The following GALNT13 variants were observed in gnomAD, a reference collection of about 807,000 sequenced individuals.
The protein encoded by GALNT13 is polypeptide N-acetylgalactosaminyltransferase 13, also known as UDP-GalNAc:polypeptide N-acetylgalactosaminyltransferase 13.
A neutral mutation model predicts 64.2 loss-of-function variants in GALNT13; 28 were observed. The observed-to-expected ratio is 0.44, with a 90% CI of 0.32 to 0.60. The LOEUF is 0.60. Among genes scored for constraint, GALNT13 ranks in the 20% least tolerant of loss-of-function variants. The probability of loss-of-function intolerance (pLI) is 0.05; values close to 1 mark genes in which losing one functional copy is unlikely to be tolerated. For missense variants in GALNT13, 577 were observed against 669.8 expected (o/e 0.86, Z 1.53); for synonymous variants, 214 against 224.6 (o/e 0.95, Z 0.42).
At chr2:154,008,191 T>A (rs1176430098) in intron 3 of GALNT13, among the ~76,000 whole-genome samples, 4 of 152,202 alleles carry the variant, frequency 2.6e-5, no homozygotes, top group Non-Finnish European at 5.9e-5. Context: ...TTTCTGGCTC[T>A]GGTTCTCAAA....
the GALNT13 span, among the ~76,000 whole-genome samples, chr2:153,245,947 C>A: frequency 6.6e-6 from 1 of 151,872 alleles, no homozygotes; most frequent in Non-Finnish European, 1.5e-5. Context: ...GTTTAGAGAA[C>A]AACATAAATG....
At chr2:153,708,970 T>C in the GALNT13 span, among the ~76,000 whole-genome samples, 5 of 151,982 alleles carry the variant, frequency 3.3e-5, no homozygotes, top group African/African-American at 1.2e-4. Flanking sequence ...ATACACAATA[T>C]GCAAAAAATC....
At chr2:153,994,033 TTAGG>T (rs1369850497) in intron 3 of GALNT13, among the ~76,000 whole-genome samples, 1 of 152,160 alleles carries the variant, frequency 6.6e-6, no homozygotes, top group Non-Finnish European at 1.5e-5. Context: ...ATCATTTCCA[TTAGG>T]TATAACTCCT....
At chr2:153,877,341 C>G (rs961571417) in intron 1 of GALNT13, among the ~76,000 whole-genome samples, 1 of 152,090 alleles carries the variant, frequency 6.6e-6, no homozygotes, top group Non-Finnish European at 1.5e-5. Flanking sequence ...TATTTAAGCT[C>G]TTATACAACA....
chr2:153,692,287 G>A, the GALNT13 span, among the ~76,000 whole-genome samples: 4 of 152,038 alleles, frequency 2.6e-5, no homozygotes, highest in African/African-American at 9.7e-5. Flanking sequence ...TTGGAAGCTG[G>A]TTACATTTTG....
intron 4 of GALNT13, among the ~76,000 whole-genome samples, chr2:154,180,062 A>G (rs944428871): frequency 7.9e-5 from 12 of 152,200 alleles, no homozygotes; most frequent in Admixed American, 2.0e-4. Context: ...CACACTCAGC[A>G]TGAATACCAA....
the GALNT13 span, among the ~76,000 whole-genome samples, chr2:153,729,972 C>T: frequency 2.0e-5 from 3 of 151,824 alleles, no homozygotes; most frequent in Non-Finnish European, 2.9e-5. Flanking sequence ...ATCCCATGTT[C>T]GTGGAATGGG....
chr2:154,119,507 T>C (rs1484944017), intron 3 of GALNT13, among the ~76,000 whole-genome samples: 1 of 152,188 alleles, frequency 6.6e-6, no homozygotes, highest in Non-Finnish European at 1.5e-5. Context: ...TTTCTCTAAA[T>C]ATGATTTCTG....
At chr2:153,126,323 TA>T in the GALNT13 span, among the ~76,000 whole-genome samples, 74 of 116,724 alleles carry the variant, frequency 6.3e-4, no homozygotes, top group South Asian at 2.1e-3. Flanking sequence ...TATATATATA[TA>T]TATATATATA....
the GALNT13 span, among the ~76,000 whole-genome samples, chr2:153,515,702 C>T: frequency 1.3e-5 from 2 of 151,988 alleles, no homozygotes; most frequent in South Asian, 2.1e-4. Context: ...GTGCAGTTTA[C>T]GGGAAGTAGG....
intron 3 of GALNT13, among the ~76,000 whole-genome samples, chr2:154,022,685 CT>C (rs1458921492): frequency 2.0e-5 from 3 of 152,126 alleles, no homozygotes; most frequent in African/African-American, 7.2e-5. Flanking sequence ...CTTTTTGTGT[CT>C]CTATTTCCTT....
At chr2:154,215,328 A>T (rs1687984658) in intron 4 of GALNT13, among the ~76,000 whole-genome samples, 1 of 150,824 alleles carries the variant, frequency 6.6e-6, no homozygotes, top group Non-Finnish European at 1.5e-5. Flanking sequence ...CCAGACAAAT[A>T]TTTCTAACAT....
chr2:153,488,390 C>T, the GALNT13 span, among the ~76,000 whole-genome samples: 1 of 152,090 alleles, frequency 6.6e-6, no homozygotes. Flanking sequence ...CTGTTTTTTT[C>T]CTCAGCCACC....
intron 3 of GALNT13, among the ~76,000 whole-genome samples, chr2:154,032,364 AT>A (rs1456735104): frequency 2.0e-5 from 3 of 152,010 alleles, no homozygotes; most frequent in Non-Finnish European, 2.9e-5. Context: ...TAAGAAAAAA[AT>A]AATATAAATT....
At chr2:153,656,826 G>A in the GALNT13 span, among the ~76,000 whole-genome samples, 1 of 152,092 alleles carries the variant, frequency 6.6e-6, no homozygotes, top group African/African-American at 2.4e-5. Context: ...CCTTGAGAAA[G>A]TGGGAAACAG....
At chr2:154,077,589 G>A (rs1701054909) in intron 3 of GALNT13, among the ~76,000 whole-genome samples, 1 of 151,442 alleles carries the variant, frequency 6.6e-6, no homozygotes, top group African/African-American at 2.4e-5. Flanking sequence ...TAAGGGATTG[G>A]TCAAATGAGC....
At chr2:154,194,727 C>T (rs933698151) in intron 4 of GALNT13, among the ~76,000 whole-genome samples, 18 of 151,958 alleles carry the variant, frequency 1.2e-4, no homozygotes, top group African/African-American at 2.2e-4. Context: ...AATAATGCCA[C>T]GAACTAGGAA....
At chr2:153,277,145 C>A in the GALNT13 span, among the ~76,000 whole-genome samples, 1 of 152,090 alleles carries the variant, frequency 6.6e-6, no homozygotes, top group Non-Finnish European at 1.5e-5. Context: ...TACAATTGAT[C>A]CCGTCACCTA....
the GALNT13 span, among the ~76,000 whole-genome samples, chr2:153,373,558 C>A: frequency 6.6e-6 from 1 of 152,120 alleles, no homozygotes; most frequent in African/African-American, 2.4e-5. Flanking sequence ...GAAATGCATA[C>A]ATTTGCAAAG....
Sources: gnomAD v4.1 joint callset for allele counts (sites outside exome capture counted in the v4.1 genomes callset) on GRCh38, gnomAD v4.1.1 for gene constraint, MANE v1.5 for transcripts, NCBI Gene and HGNC (gene_info 2026-07-23, HGNC 2026-07-21) for gene names.